PDCD6: variants seen among roughly 807,000 people sequenced by gnomAD.
PDCD6 encodes the protein programmed cell death 6.
A neutral mutation model predicts 28.3 loss-of-function variants in PDCD6; 12 were observed. The ratio of observed to expected loss-of-function variants is 0.42; its 90% CI spans 0.27 to 0.69. The LOEUF (loss-of-function observed/expected upper bound fraction) is 0.69. Among genes scored for constraint, PDCD6 ranks in the 30% least tolerant of loss-of-function variants. The probability of loss-of-function intolerance (pLI) is 0.22; values close to 1 mark genes in which losing one functional copy is unlikely to be tolerated. For missense variants in PDCD6, 226 were observed against 269.9 expected (o/e 0.84, Z 1.14); for synonymous variants, 92 against 108.0 (o/e 0.85, Z 0.92).
intron 2 of PDCD6, among the ~76,000 whole-genome samples, chr5:290,662 C>T (rs557917875): frequency 8.1e-4 from 123 of 152,324 alleles, no homozygotes; most frequent in Non-Finnish European, 2.6e-4. Context: ...TGTGAGGTTT[C>T]GGCGCTGATA....
intron 2 of PDCD6, among the ~76,000 whole-genome samples, chr5:286,188 G>C (rs1301337815): frequency 6.6e-6 from 1 of 151,378 alleles, no homozygotes; most frequent in East Asian, 2.0e-4. Context: ...GGAGACCCAG[G>C]TGGGAGCTGA....
intron 2 of PDCD6, among the ~76,000 whole-genome samples, chr5:292,641 CA>C (rs1739381667): frequency 6.6e-6 from 1 of 152,112 alleles, no homozygotes; most frequent in Admixed American, 6.5e-5. Context: ...TTGAATCCAC[CA>C]GGATAAATGT....
chr5:299,497 C>T (rs1287512195), intron 2 of PDCD6, among the ~76,000 whole-genome samples: 2 of 151,624 alleles, frequency 1.3e-5, no homozygotes, highest in Admixed American at 6.6e-5. Flanking sequence ...TTTTTCAAGT[C>T]TCTGTGCTTC....
intron 2 of PDCD6, among the ~76,000 whole-genome samples, chr5:279,388 G>A (rs1021004784): frequency 3.9e-5 from 6 of 152,096 alleles, no homozygotes; most frequent in East Asian, 1.9e-4. Flanking sequence ...TTTTCCCCAC[G>A]AGATATGCGT....
At position 275,953 on chromosome 5, in the gene PDCD6, C is replaced by T. The variant is rs533612883; in HGVS notation, c.163+3181C>T. Reference sequence around the variant, plus strand: ...CCGAGCCACTCTGTTCTGAAGATGCCCTTGTCCTCCACCCCTTTGCTTTGG... The same window carrying T: ...CCGAGCCACTCTGTTCTGAAGATGCTCTTGTCCTCCACCCCTTTGCTTTGG... On this transcript the variant is annotated intron_variant, in intron 2 of 5. Transcript: ENST00000264933. 7.3e-4 allele frequency: 918 copies of T among 1,258,972 alleles called. 6 individuals carry two copies. In the African/African-American group the frequency reaches 0.013, roughly 17 times the overall value. The allele number at this position is 1,258,972 out of a possible 1,614,324, so 78.0% of individuals were successfully genotyped here. A position where few individuals can be genotyped will look rare whatever the true frequency, so the allele number is the denominator to read the frequency against.
At chr5:276,470 T>G in intron 2 of PDCD6, 1 of 985,634 alleles carries the variant, frequency 1.0e-6, no homozygotes, top group Non-Finnish European at 1.2e-6. Context: ...TTTCTTTATT[T>G]TAAGAAAAAA....
At chr5:285,534 CAG>C in intron 2 of PDCD6, among the ~76,000 whole-genome samples, 1 of 151,068 alleles carries the variant, frequency 6.6e-6, no homozygotes, top group East Asian at 2.0e-4. Context: ...GCTGATGTTC[CAG>C]TTTGAGGGCC....
Position 306,814 on chromosome 5 carries a change from C to T in PDCD6, c.367+54C>T, listed in dbSNP as rs147701506. On this transcript the variant is annotated intron_variant, in intron 4 of 5. Transcript: ENST00000264933. ...GTGTTTCATTTTGGAACCTTGGAGC[C>T]GTTGAAGTTCTTTAAACCTTGTTGG... 218 of 1,556,448 alleles carry T rather than the reference C, an allele frequency of 1.4e-4. No homozygotes were observed. The African/African-American group carries it at 2.1e-3, about 15-fold the overall frequency.
intron 1 of PDCD6, among the ~76,000 whole-genome samples, chr5:272,022 T>G (rs1297895411): frequency 7.1e-6 from 1 of 140,240 alleles, no homozygotes; most frequent in Non-Finnish European, 1.6e-5. Context: ...CCCCGTCCCC[T>G]GGCGGGTCCC....
intron 2 of PDCD6, among the ~76,000 whole-genome samples, chr5:273,868 T>C (rs960354475): frequency 2.0e-5 from 3 of 152,180 alleles, no homozygotes; most frequent in Non-Finnish European, 2.9e-5. Flanking sequence ...AATTCAGAAA[T>C]GCTGTTATCT....
At chr5:298,216 C>G (rs1202754860) in intron 2 of PDCD6, among the ~76,000 whole-genome samples, 1 of 152,170 alleles carries the variant, frequency 6.6e-6, no homozygotes. Context: ...CTTCCTGCCT[C>G]ATGGGGTCTC....
intron 2 of PDCD6, among the ~76,000 whole-genome samples, chr5:274,833 C>G (rs1457617593): frequency 6.6e-6 from 1 of 152,220 alleles, no homozygotes; most frequent in Non-Finnish European, 1.5e-5. Flanking sequence ...GTATATAGCT[C>G]TTTAACCATC....
At chr5:304,815 C>G (rs999147655) in intron 3 of PDCD6, 1 of 152,186 alleles carries the variant, frequency 6.6e-6, no homozygotes, top group Non-Finnish European at 1.5e-5. Flanking sequence ...TGCATCATTT[C>G]TTTGGGTCCA....
intron 2 of PDCD6, among the ~76,000 whole-genome samples, chr5:286,801 G>T (rs1006611196): frequency 2.0e-5 from 3 of 152,218 alleles, no homozygotes; most frequent in South Asian, 2.1e-4. Flanking sequence ...CAGATCCAGG[G>T]ATGAGATGGT....
intron 2 of PDCD6, among the ~76,000 whole-genome samples, chr5:291,426 C>T (rs569204166): frequency 2.5e-3 from 379 of 151,122 alleles, no homozygotes; most frequent in Non-Finnish European, 3.8e-3. Flanking sequence ...CGTGATCTCC[C>T]GTCTCCATTC....
intron 2 of PDCD6, among the ~76,000 whole-genome samples, chr5:283,069 T>C (rs1044468798): frequency 6.6e-6 from 1 of 151,974 alleles, no homozygotes; most frequent in Non-Finnish European, 1.5e-5. Context: ...GTCTTTCAGC[T>C]GGAGACTCAG....
intron 2 of PDCD6, among the ~76,000 whole-genome samples, chr5:299,860 T>TTA (rs1034988681): frequency 6.6e-6 from 1 of 151,948 alleles, no homozygotes; most frequent in African/African-American, 2.4e-5. Context: ...GTATTTTTTT[T>TTA]TTTATTTTTT....
In PDCD6 at chr5:299,871, T is replaced by TA. The variant is rs564771008; in HGVS notation, c.164-4305dup. ...GCTGGTATTTTTTTTTTTATTTTTT[T>TA]ATCAAATACAGTTGAGGCTCTCTTG... On this transcript the variant is annotated intron_variant, in intron 2 of 5. Transcript: ENST00000264933. Among the ~76,000 whole-genome samples, 28 of 152,304 alleles carry TA rather than the reference T, an allele frequency of 1.8e-4. No individual in the cohort carries two copies. The East Asian group carries it at 4.0e-3, about 22-fold the overall frequency.
intron 2 of PDCD6, among the ~76,000 whole-genome samples, chr5:281,413 C>T (rs2126696311): frequency 6.6e-6 from 1 of 152,070 alleles, no homozygotes; most frequent in South Asian, 2.1e-4. Flanking sequence ...AGCTGGAGGT[C>T]CAGGGAAGAG....
Sources: allele counts gnomAD v4.1 joint callset (sites outside exome capture counted in the v4.1 genomes callset), GRCh38; gene constraint gnomAD v4.1.1; transcripts MANE v1.5; gene names NCBI Gene and HGNC (gene_info 2026-07-23, HGNC 2026-07-21).